The following THADA variants were observed in gnomAD, a reference collection of about 807,000 sequenced individuals.
THADA encodes the protein tRNA (32-2'-O)-methyltransferase regulator THADA.
Under a neutral mutation model 219.8 loss-of-function variants are expected in THADA, and 213 were observed. The observed-to-expected ratio is 0.97, with a 90% CI of 0.87 to 1.09. The LOEUF (loss-of-function observed/expected upper bound fraction) is 1.09. Ranked by LOEUF, THADA falls within the 50% of genes least tolerant of loss-of-function variation. The pLI, the probability that THADA is intolerant of heterozygous loss-of-function variation, is 0.00. For synonymous variants in THADA, 1,018 were observed against 828.9 expected (o/e 1.23, Z -3.92); for missense variants, 2,956 against 2,311.3 (o/e 1.28, Z -5.72).
rs1184503236 is a variant in THADA at position 43,505,704 on chromosome 2, C to T, written c.3539G>A (p.Arg1180Lys). The T allele has an allele frequency of 6.3e-7, 1 of 1,589,408 alleles. No individual in the cohort carries two copies. Among genetic ancestry groups the T allele is most frequent in the South Asian group, 1.1e-5 (1 of 87,256 alleles). ...ALLASEPKKG[R>K]MDLLKITMKE... ...CATTGTTATTTTCAACAAATCCATT[C>T]TGCCTTTCTTTGGTTCAGATGCCAA... is the stretch of plus-strand genomic sequence containing the variant. The change falls in exon 24 of 38, where the codon AGA becomes AAA. Residue 1180 changes from arginine to lysine, a missense_variant. Coordinates refer to ENST00000405975, the MANE Select transcript of THADA (RefSeq NM_022065.5).
At chr2:43,514,817 A>G (rs1201614084) in intron 22 of THADA, among the ~76,000 whole-genome samples, 1 of 92,860 alleles carries the variant, frequency 1.1e-5, no homozygotes, top group East Asian at 3.5e-4. Flanking sequence ...TTTATATATA[A>G]TAATATGTAC....
intron 22 of THADA, among the ~76,000 whole-genome samples, chr2:43,521,504 C>T (rs536789013): frequency 2.6e-4 from 40 of 152,206 alleles, no homozygotes; most frequent in African/African-American, 7.0e-4. Context: ...TGCAGTGAGC[C>T]GAGATTGCAC....
At chr2:43,262,284 G>A (rs766002696) in intron 36 of THADA, among the ~76,000 whole-genome samples, 4 of 152,202 alleles carry the variant, frequency 2.6e-5, no homozygotes, top group African/African-American at 4.8e-5. Context: ...CTTGAAAGGA[G>A]AGGATGCACA....
chr2:43,517,725 G>C (rs1184031079), intron 22 of THADA, among the ~76,000 whole-genome samples: 1 of 152,034 alleles, frequency 6.6e-6, no homozygotes, highest in African/African-American at 2.4e-5. Context: ...TTACCTACTA[G>C]GGTCCATAAA....
intron 24 of THADA, among the ~76,000 whole-genome samples, chr2:43,500,434 A>G (rs1346303775): frequency 6.6e-6 from 1 of 152,242 alleles, no homozygotes; most frequent in Non-Finnish European, 1.5e-5. Context: ...ATTTAAAAAG[A>G]CAGGACAGGC....
intron 4 of THADA, 38 bp from the exon 5 acceptor site, chr2:43,587,040 A>G (rs768758156): frequency 7.6e-6 from 12 of 1,582,966 alleles, no homozygotes; most frequent in Non-Finnish European, 1.0e-5. Context: ...CTGACAATCT[A>G]ATAGCCCCAG....
chr2:43,507,174 G>A (rs143694070), intron 23 of THADA, among the ~76,000 whole-genome samples: 119 of 152,110 alleles, frequency 7.8e-4, no homozygotes, highest in Admixed American at 1.7e-3. Flanking sequence ...AAAAAATTTA[G>A]ACTTCATTCA....
At chr2:43,570,351 A>T (rs775597658) in intron 14 of THADA, 37 bp downstream of exon 14, 47 of 1,502,998 alleles carry the variant, frequency 3.1e-5, no homozygotes, top group Non-Finnish European at 3.6e-5. Flanking sequence ...TTTTTAATTT[A>T]AAAAAAAACT....
At chr2:43,390,427 AAT>A (rs767703704) in intron 29 of THADA, among the ~76,000 whole-genome samples, 54 of 152,186 alleles carry the variant, frequency 3.5e-4, no homozygotes, top group Admixed American at 7.2e-4. Flanking sequence ...TTCAGAAGAA[AAT>A]ATGTCTACCC....
Position 43,508,741 on chromosome 2 carries a change from C to T in THADA, c.3414G>A (p.Trp1138Ter), listed in dbSNP as rs1156639172. The change falls in exon 23 of 38, where the codon TGG (tryptophan) becomes TGA (stop). Residue 1138 changes from tryptophan (W) to a stop codon, truncating the protein, a stop_gained. Transcript: ENST00000405975. LOFTEE classifies it high-confidence loss of function. ...NVSLQKLPEQ[W>*]LWSVLEEIKC... Reference sequence around the variant, plus strand: ...TAATTTCCTCTAAAACACTCCATAGCCACTGTTCTGGCAGCTTTTGCAGAC... The same window carrying T: ...TAATTTCCTCTAAAACACTCCATAGTCACTGTTCTGGCAGCTTTTGCAGAC... The T allele has an allele frequency of 1.2e-6, 2 of 1,613,686 alleles. No homozygotes were observed. Among genetic ancestry groups the T allele is most frequent in the Non-Finnish European group, 8.5e-7 (1 of 1,179,696 alleles).
chr2:43,383,082 C>A lies in THADA; in HGVS notation c.4227+14889G>T, dbSNP rs76948138. On this transcript the variant is annotated intron_variant, in intron 29 of 37. Coordinates refer to ENST00000405975, the MANE Select transcript of THADA (RefSeq NM_022065.5). ...ATTTAAAAGTGGACAACAAAGAAAG[C>A]ACCATGTATGAACACTTATGGGATG... Among the ~76,000 whole-genome samples, 462 of 152,176 alleles carry A rather than the reference C, an allele frequency of 3.0e-3. 1 individual carries two copies. Among genetic ancestry groups the A allele is most frequent in the African/African-American group, 0.011 (441 of 41,496 alleles).
intron 29 of THADA, among the ~76,000 whole-genome samples, chr2:43,377,531 C>G (rs1238892276): frequency 1.3e-5 from 2 of 152,122 alleles, no homozygotes; most frequent in Non-Finnish European, 2.9e-5. Context: ...AGATGCTGAG[C>G]TGAGAGCACT....
At chr2:43,346,371 T>G (rs1261026138) in intron 29 of THADA, among the ~76,000 whole-genome samples, 2 of 152,128 alleles carry the variant, frequency 1.3e-5, no homozygotes, top group Admixed American at 1.3e-4. Flanking sequence ...GCCAGGCCCT[T>G]TGAAACTAAG....
At chr2:43,437,911 A>G (rs1158964488) in intron 26 of THADA, among the ~76,000 whole-genome samples, 1 of 152,214 alleles carries the variant, frequency 6.6e-6, no homozygotes, top group Non-Finnish European at 1.5e-5. Context: ...ATCACTGAAT[A>G]AAGGACAAAT....
intron 29 of THADA, among the ~76,000 whole-genome samples, chr2:43,344,492 T>C (rs1330990506): frequency 3.3e-5 from 5 of 152,170 alleles, no homozygotes; most frequent in African/African-American, 1.2e-4. Context: ...GGCCCAACAA[T>C]CATCTGCCAC....
chr2:43,451,594 T>C (rs1168931841), intron 26 of THADA, among the ~76,000 whole-genome samples: 2 of 152,200 alleles, frequency 1.3e-5, no homozygotes, highest in Admixed American at 1.3e-4. Flanking sequence ...ATATTTGCTA[T>C]CTTCTTGCTA....
intron 22 of THADA, among the ~76,000 whole-genome samples, chr2:43,523,805 C>G (rs184036205): frequency 6.6e-6 from 1 of 152,052 alleles, no homozygotes; most frequent in Admixed American, 6.6e-5. Context: ...TAAAGCAATT[C>G]GAATATTTGA....
At chr2:43,566,858 A>C in intron 14 of THADA, 37 bp from the exon 15 acceptor site, 2 of 1,368,192 alleles carry the variant, frequency 1.5e-6, no homozygotes, top group Non-Finnish European at 1.9e-6. Context: ...AAGTATAATT[A>C]CGTCACAATA....
At chr2:43,421,235 G>A (rs1372909912) in intron 28 of THADA, among the ~76,000 whole-genome samples, 1 of 152,186 alleles carries the variant, frequency 6.6e-6, no homozygotes, top group Non-Finnish European at 1.5e-5. Flanking sequence ...CAGTCACATA[G>A]TGAAACCAAG....
Sources: allele counts gnomAD v4.1 joint callset (sites outside exome capture counted in the v4.1 genomes callset), GRCh38; gene constraint gnomAD v4.1.1; transcripts MANE v1.5; gene names NCBI Gene and HGNC (gene_info 2026-07-23, HGNC 2026-07-21).